Variants in DMBT1 observed in about 807,000 individuals in gnomAD.
DMBT1 encodes the protein deleted in malignant brain tumors 1, also known as scavenger receptor cysteine-rich domain-containing protein DMBT1.
DMBT1 carries 198 observed loss-of-function variants against 252.9 expected under a neutral mutation model. That is an observed-to-expected ratio of 0.78 (90% confidence interval 0.70 to 0.88). DMBT1 has a LOEUF of 0.88. Ranked by LOEUF, DMBT1 falls within the 40% of genes least tolerant of loss-of-function variation. The probability of loss-of-function intolerance (pLI) is 0.00; values close to 1 mark genes in which losing one functional copy is unlikely to be tolerated. For synonymous variants in DMBT1, 990 were observed against 942.7 expected, an observed-to-expected ratio of 1.05 and a Z score of -0.92; for missense variants, 2,432 against 2,404.7, an observed-to-expected ratio of 1.01 and a Z score of -0.24.
chr10:122,626,480 T>C (rs1565937165), intron 46 of DMBT1, among the ~76,000 whole-genome samples: 1 of 152,256 alleles, frequency 6.6e-6, no homozygotes, highest in Non-Finnish European at 1.5e-5. Context: ...AGAATATTTT[T>C]ATAGATAATT....
At chr10:122,633,089 A>G in intron 51 of DMBT1, 102 bp from the exon 52 acceptor site, 1 of 1,504,134 alleles carries the variant, frequency 6.6e-7, no homozygotes, top group Non-Finnish European at 8.9e-7. Flanking sequence ...CTTGGGAATT[A>G]TTTTATAAAA....
At chr10:122,623,296 C>A (rs540277445) in intron 44 of DMBT1, among the ~76,000 whole-genome samples, 7 of 152,328 alleles carry the variant, frequency 4.6e-5, no homozygotes, top group Admixed American at 3.9e-4. Flanking sequence ...TTTGTCTATC[C>A]ATTTATCAGC....
Position 122,597,064 on chromosome 10 carries a change from C to T in DMBT1, c.2917+10C>T. On this transcript the variant is annotated intron_variant, in intron 24 of 55. Coordinates refer to ENST00000338354, the MANE Select transcript of DMBT1 (RefSeq NM_001377530.1). Reference sequence around the variant, plus strand: ...TCGACGCCCAGTCCAGGTGAGTCCCCAGTGTCCTTCCTTGGGATGTCCCTT... The same window carrying T: ...TCGACGCCCAGTCCAGGTGAGTCCCTAGTGTCCTTCCTTGGGATGTCCCTT... 1.8e-6 allele frequency: 1 copy of T among 548,906 alleles called. No homozygotes were observed. The highest frequency in any genetic ancestry group is 3.1e-6 in the Non-Finnish European group (1 of 323,586). 34.0% of individuals were successfully genotyped at this position (548,906 alleles called of 1,614,324 possible). A position where few individuals can be genotyped will look rare whatever the true frequency, so the allele number is the denominator to read the frequency against.
At chr10:122,599,771 T>C (rs986122090) in intron 26 of DMBT1, among the ~76,000 whole-genome samples, 1 of 152,140 alleles carries the variant, frequency 6.6e-6, no homozygotes, top group East Asian at 1.9e-4. Flanking sequence ...TTCCTCAGCC[T>C]TGCTGACTCA....
intron 44 of DMBT1, among the ~76,000 whole-genome samples, chr10:122,623,691 G>A (rs997077266): frequency 6.6e-6 from 1 of 152,180 alleles, no homozygotes; most frequent in African/African-American, 2.4e-5. Flanking sequence ...TGGGCCCTTT[G>A]TATATATTCT....
At chr10:122,634,454 C>G (rs866571660) in intron 52 of DMBT1, among the ~76,000 whole-genome samples, 1 of 98,814 alleles carries the variant, frequency 1.0e-5, no homozygotes, top group African/African-American at 5.6e-5. Flanking sequence ...CTCTCTCTCT[C>G]TCTCTCTCTC....
In DMBT1 at chr10:122,619,332, G is replaced by A; in HGVS notation, c.5240G>A (p.Arg1747Lys). ...GCTGCTCAGTCCCAGTCAACGCCCA[G>A]GCCAGGTGAGTCCCCAGCATCCTTC... ...CSAAQSQSTP[R>K]PDTWLTTNLP... Residue 1747 changes from arginine (R) to lysine (K), a missense_variant, in exon 42 of 56, where the codon AGG becomes AAG. Around this residue, in one of 3 missense-constraint regions of DMBT1, gnomAD observed 1,162 missense variants for 1,169.0 expected, o/e 0.99. Coordinates refer to ENST00000338354, the MANE Select transcript of DMBT1 (RefSeq NM_001377530.1). The A allele has an allele frequency of 1.2e-6, 2 of 1,613,966 alleles. No homozygotes were observed. Among genetic ancestry groups the A allele is most frequent in the Non-Finnish European group, 1.7e-6 (2 of 1,179,886 alleles).
Position 122,570,161 on chromosome 10 carries a change from G to T in DMBT1, c.92-1G>T. Reference sequence around the variant, plus strand: ...TGAGCTCTTCCTTTTCCACCTCGCAGCTTCACTGATTCCCTCGGAGGTGCC... The same window carrying T: ...TGAGCTCTTCCTTTTCCACCTCGCATCTTCACTGATTCCCTCGGAGGTGCC... On this transcript the variant is annotated splice_acceptor_variant, in intron 2 of 55. Coordinates refer to ENST00000338354, the MANE Select transcript of DMBT1 (RefSeq NM_001377530.1). LOFTEE classifies it high-confidence loss of function. 1.3e-6 allele frequency: 2 copies of T among 1,592,666 alleles called. No homozygotes were observed. The highest frequency in any genetic ancestry group is 1.1e-5 in the South Asian group (1 of 90,600).
rs762144153 is a variant in DMBT1, at chr10:122,592,364, G to A, written c.2269G>A (p.Val757Met). 6.0e-5 allele frequency: 96 copies of A among 1,588,398 alleles called. 10 individuals carry two copies. The highest frequency in any genetic ancestry group is 1.0e-4 in the Admixed American group (6 of 59,552). Residue 757 changes from valine to methionine, a missense_variant, in exon 20 of 56, where the codon GTG becomes ATG. Physicochemically the swap from Val to Met is conservative, Grantham distance 21 (BLOSUM62 1). Transcript: ENST00000338354. ...EVLYRGSWGT[V>M]CDDSWDTNDA... Reference sequence around the variant, plus strand: ...CCTATACCGAGGCTCCTGGGGCACCGTGTGTGATGACAGCTGGGATACCAA... The same window carrying A: ...CCTATACCGAGGCTCCTGGGGCACCATGTGTGATGACAGCTGGGATACCAA...
At chr10:122,618,431 C>G (rs942423474) in intron 41 of DMBT1, 91 bp downstream of exon 41, 27 of 1,591,240 alleles carry the variant, frequency 1.7e-5, no homozygotes, top group Non-Finnish European at 2.2e-5. Context: ...TCACTCAAAG[C>G]TTTTTCTATG....
intron 27 of DMBT1, 60 bp from the exon 28 acceptor site, chr10:122,600,931 T>G (rs2097947988): frequency 1.4e-6 from 1 of 689,670 alleles, no homozygotes; most frequent in Non-Finnish European, 2.7e-6. Context: ...AGAGAACCTT[T>G]TGTTCTGCAC....
intron 40 of DMBT1, 125 bp downstream of exon 40, chr10:122,617,385 G>T: frequency 8.1e-7 from 1 of 1,230,426 alleles, no homozygotes; most frequent in Non-Finnish European, 1.2e-6. Context: ...TGGGTGGGAG[G>T]AAGGTGGAGT....
chr10:122,642,500 C>T (rs1188087008), intron 55 of DMBT1, among the ~76,000 whole-genome samples: 1 of 152,188 alleles, frequency 6.6e-6, no homozygotes, highest in Non-Finnish European at 1.5e-5. Flanking sequence ...CCCTCTGACC[C>T]CTGCTGAGAG....
intron 20 of DMBT1, among the ~76,000 whole-genome samples, chr10:122,593,170 G>C (rs373404773): frequency 5.4e-5 from 8 of 148,980 alleles, no homozygotes; most frequent in Admixed American, 2.0e-4. Flanking sequence ...GGTCTGGTGT[G>C]GGGAGGGCAG....
chr10:122,586,100 T>C lies in DMBT1; in HGVS notation c.1500T>C (p.Gly500=), dbSNP rs770401633. ...SSLALRLVNG[G]DRCQGRVEVL... ...TGGCCCTGAGGCTGGTGAATGGAGG[T>C]GACAGGTGTCAGGGCCGAGTGGAGG... Residue 500 remains glycine (G), a synonymous_variant, in exon 16 of 56, where the codon GGT becomes GGC. Transcript: ENST00000338354. 3 of 1,588,808 alleles carry C rather than the reference T, an allele frequency of 1.9e-6. 1 individual carries two copies. Among genetic ancestry groups the C allele is most frequent in the East Asian group, 2.3e-5 (1 of 42,752 alleles).
In DMBT1 at chr10:122,589,864, C is replaced by T. The variant is rs767826297; in HGVS notation, c.2107+597C>T. Among the ~76,000 whole-genome samples, 19 of 148,620 alleles carry T rather than the reference C, an allele frequency of 1.3e-4. 2 individuals carry two copies. The highest frequency in any genetic ancestry group is 2.5e-4 in the Non-Finnish European group (17 of 66,750). On this transcript the variant is annotated intron_variant, in intron 17 of 55. Coordinates refer to ENST00000338354, the MANE Select transcript of DMBT1 (RefSeq NM_001377530.1). ...TAAGTTGTTCATGAATGGTTGGCTT[C>T]CATGACCCAGACATGGCACATCAGG...
intron 6 of DMBT1, among the ~76,000 whole-genome samples, 172 bp downstream of exon 6, chr10:122,573,934 G>T (rs1320102019): frequency 1.3e-5 from 2 of 152,202 alleles, no homozygotes; most frequent in Non-Finnish European, 2.9e-5. Context: ...CATCGATCAT[G>T]TCTGAGACTG....
chr10:122,586,776 C>T (rs1376175620), intron 16 of DMBT1, among the ~76,000 whole-genome samples: 1 of 148,530 alleles, frequency 6.7e-6, no homozygotes, highest in South Asian at 2.3e-4. Context: ...GGCATCTGCT[C>T]GGCTTCTGCT....
intron 8 of DMBT1, among the ~76,000 whole-genome samples, chr10:122,578,234 C>T (rs2097730328): frequency 6.6e-6 from 1 of 152,186 alleles, no homozygotes; most frequent in South Asian, 2.1e-4. Flanking sequence ...TCTCTCACTA[C>T]TTGAAAAACC....
Sources: allele counts gnomAD v4.1 joint callset (sites outside exome capture counted in the v4.1 genomes callset), GRCh38; gene constraint gnomAD v4.1.1; regional missense constraint gnomAD v4.1.1; transcripts MANE v1.5; gene names NCBI Gene and HGNC (gene_info 2026-07-23, HGNC 2026-07-21).